Variants in HMGXB4 observed in about 807,000 individuals in gnomAD.
HMGXB4 encodes the protein HMG domain-containing protein 4.
In HMGXB4, 27 loss-of-function variants were observed where a neutral mutation model predicts 63.9. That is an observed-to-expected ratio of 0.42 (90% confidence interval 0.31 to 0.58). The LOEUF (loss-of-function observed/expected upper bound fraction) is 0.58, where lower values mean the gene tolerates loss of function less well. HMGXB4 is among the 20% of genes least tolerant of loss of function. HMGXB4 has a pLI of 0.13. For missense variants in HMGXB4, 624 were observed against 700.7 expected (o/e 0.89, Z 1.24); for synonymous variants, 264 against 265.3 (o/e 0.99, Z 0.05).
rs956962020 is a variant in HMGXB4, at chr22:35,262,334, T to C, written c.-57T>C. ...TCTTTGTTTCTCAGACCTGGTCCTG[T>C]AGACGGGAAGGAGCCTGGACACAGT... On this transcript the variant is annotated 5_prime_UTR_variant, in exon 2 of 11. Transcript: ENST00000216106. 4.1e-5 allele frequency: 64 copies of C among 1,569,328 alleles called. No homozygotes were observed. In the Admixed American group the frequency reaches 1.1e-3, roughly 26 times the overall value.
upstream of HMGXB4, among the ~76,000 whole-genome samples, chr22:35,256,585 C>T (rs1331077817): frequency 1.3e-5 from 2 of 152,242 alleles, no homozygotes; most frequent in Non-Finnish European, 2.9e-5. Context: ...CTGCAATCTC[C>T]GCCTCCCGGG....
chr22:35,248,686 C>T, the HMGXB4 span, among the ~76,000 whole-genome samples: 19 of 152,104 alleles, frequency 1.2e-4, no homozygotes, highest in African/African-American at 2.4e-4. Context: ...ATTACAGGCA[C>T]GGGCCACTAC....
At chr22:35,263,672 C>A in intron 3 of HMGXB4, 124 bp from the exon 4 acceptor site, 1 of 685,922 alleles carries the variant, frequency 1.5e-6, no homozygotes, top group Non-Finnish European at 2.6e-6. Flanking sequence ...AAACGTTATG[C>A]ACATCTATTT....
intron 5 of HMGXB4, among the ~76,000 whole-genome samples, chr22:35,282,207 C>T (rs772312730): frequency 2.6e-5 from 4 of 152,158 alleles, no homozygotes; most frequent in Non-Finnish European, 4.4e-5. Context: ...AACGGAGTCT[C>T]GCTCTGTCGC....
chr22:35,286,719 G>T (rs138210430), intron 7 of HMGXB4, among the ~76,000 whole-genome samples: 1 of 151,958 alleles, frequency 6.6e-6, no homozygotes, highest in Non-Finnish European at 1.5e-5. Context: ...GCATGGTGGC[G>T]CATGCCCGTA....
At position 35,287,314 on chromosome 22, in the gene HMGXB4, A is replaced by C. The variant is rs755088311; in HGVS notation, c.1363-33A>C. The C allele has an allele frequency of 2.8e-5, 42 of 1,492,578 alleles. No individual in the cohort carries two copies. In the Admixed American group the frequency reaches 7.2e-4, roughly 26 times the overall value. The allele number at this position is 1,492,578 out of a possible 1,614,324, so 92.5% of individuals were successfully genotyped here. A position where few individuals can be genotyped will look rare whatever the true frequency, so the allele number is the denominator to read the frequency against. ...TTTCCTTTTACATTTTGTCCTTCTTAATTTAATTTAATGTTCACTGATGTG... is the reference window on the plus strand; with the variant it reads ...TTTCCTTTTACATTTTGTCCTTCTTCATTTAATTTAATGTTCACTGATGTG... On this transcript the variant is annotated intron_variant, in intron 7 of 10. Transcript: ENST00000216106.
chr22:35,279,980 C>G (rs1924146872), intron 5 of HMGXB4, among the ~76,000 whole-genome samples: 1 of 152,116 alleles, frequency 6.6e-6, no homozygotes, highest in South Asian at 2.1e-4. Context: ...TCTGTGGCCT[C>G]TTCATAAAAA....
At chr22:35,241,581 T>C in the HMGXB4 span, among the ~76,000 whole-genome samples, 335 of 152,356 alleles carry the variant, frequency 2.2e-3, 3 homozygotes, top group African/African-American at 7.3e-3. Context: ...CGGGATCCAC[T>C]GAGCTCCCAG....
At chr22:35,270,286 C>G (rs1372528376) in intron 5 of HMGXB4, among the ~76,000 whole-genome samples, 1 of 152,176 alleles carries the variant, frequency 6.6e-6, no homozygotes. Flanking sequence ...CAAACCCCAG[C>G]AGGTTCCTTA....
Position 35,263,075 on chromosome 22 carries a change from C to G in HMGXB4, c.32-3C>G. 6.2e-7 allele frequency: 1 copy of G among 1,613,054 alleles called. No individual in the cohort carries two copies. Among genetic ancestry groups the G allele is most frequent in the Non-Finnish European group, 8.5e-7 (1 of 1,179,750 alleles). On this transcript the variant is annotated splice_region_variant and splice_polypyrimidine_tract_variant and intron_variant, in intron 2 of 10. Transcript: ENST00000216106. ...CTTTCCCAAATAAACCTGTGCTTCT[C>G]AGATTGTTTTGATGGTGATCATACC...
intron 4 of HMGXB4, chr22:35,264,121 T>A: frequency 7.2e-7 from 1 of 1,395,680 alleles, no homozygotes; most frequent in Non-Finnish European, 9.8e-7. Flanking sequence ...CTCCCCCCAA[T>A]CATCCACTTA....
chr22:35,286,053 G>C lies in HMGXB4; in HGVS notation c.1354G>C (p.Asp452His). 1 of 1,603,298 alleles carries C rather than the reference G, an allele frequency of 6.2e-7. No homozygotes were observed. The highest frequency in any genetic ancestry group is 8.5e-7 in the Non-Finnish European group (1 of 1,175,368). Reference sequence around the variant, plus strand: ...GGTGTGGAAGCAATTACCAGAAAAAGACAAACTGGTAAGTACATTTTCTTA... The same window carrying C: ...GGTGTGGAAGCAATTACCAGAAAAACACAAACTGGTAAGTACATTTTCTTA... ...AEVWKQLPEKDKLIWKQKAQY... is the reference protein window; with the variant it reads ...AEVWKQLPEKHKLIWKQKAQY... Residue 452 changes from aspartate (D) to histidine (H), a missense_variant, in exon 7 of 11, where the codon GAC becomes CAC. Asp to His is a moderately conservative substitution (Grantham distance 81). Coordinates refer to ENST00000216106, the MANE Select transcript of HMGXB4 (RefSeq NM_001003681.3).
chr22:35,264,636 G>C lies in HMGXB4; in HGVS notation c.260-12G>C. On this transcript the variant is annotated splice_polypyrimidine_tract_variant and intron_variant, in intron 4 of 10. Coordinates refer to ENST00000216106, the MANE Select transcript of HMGXB4 (RefSeq NM_001003681.3). ...CCATCATATTGACAGTACTTCTCTT[G>C]ATTATTTCTAGATATTTCGTCTTTG... The C allele has an allele frequency of 6.5e-7, 1 of 1,538,704 alleles. No individual in the cohort carries two copies. Among genetic ancestry groups the C allele is most frequent in the Non-Finnish European group, 8.7e-7 (1 of 1,144,182 alleles).
upstream of HMGXB4, among the ~76,000 whole-genome samples, chr22:35,253,144 A>AAAAAAAAAAAAAAAAAAAAAAAAAAAAAG (rs11282400): frequency 2.0e-4 from 25 of 125,336 alleles, no homozygotes; most frequent in Non-Finnish European, 2.5e-4. Flanking sequence ...AAAAAAAAAA[A>AAAAAAAAAAAAAAAAAAAAAAAAAAAAAG]AAAAAAGAAA....
Position 35,281,863 on chromosome 22 carries a change from G to T in HMGXB4, c.1216-2099G>T, listed in dbSNP as rs1359100095. On this transcript the variant is annotated intron_variant, in intron 5 of 10. Coordinates refer to ENST00000216106, the MANE Select transcript of HMGXB4 (RefSeq NM_001003681.3). ...AATCTCATTCAAAGCAGTTACCTTG[G>T]AAGGTGTTCTAGGAATGTTTCTATT... 3.3e-5 allele frequency among the ~76,000 whole-genome samples: 5 copies of T among 152,160 alleles called. No homozygotes were observed. In the East Asian group the frequency reaches 9.6e-4, roughly 29 times the overall value.
At chr22:35,247,457 C>T in the HMGXB4 span, among the ~76,000 whole-genome samples, 1 of 152,192 alleles carries the variant, frequency 6.6e-6, no homozygotes, top group Non-Finnish European at 1.5e-5. Flanking sequence ...GCTGAAGATG[C>T]AAGAGGGACT....
At chr22:35,253,330 A>T (rs1435560799), upstream of HMGXB4, among the ~76,000 whole-genome samples, 1 of 152,090 alleles carries the variant, frequency 6.6e-6, no homozygotes, top group Admixed American at 6.6e-5. Flanking sequence ...TTACATTTGT[A>T]CCATAGTAAT....
chr22:35,258,297 C>G (rs1922591279), intron 1 of HMGXB4: 2 of 152,188 alleles, frequency 1.3e-5, no homozygotes, highest in Non-Finnish European at 2.9e-5. Context: ...CTTGTAGATT[C>G]ACTTTATAGC....
At chr22:35,267,174 T>TTATA (rs1486329603) in intron 5 of HMGXB4, among the ~76,000 whole-genome samples, 2 of 146,732 alleles carry the variant, frequency 1.4e-5, no homozygotes, top group African/African-American at 2.5e-5. Flanking sequence ...AAATAATATA[T>TTATA]TATATATATA....
Sources: gnomAD v4.1 joint callset for allele counts (sites outside exome capture counted in the v4.1 genomes callset) on GRCh38, gnomAD v4.1.1 for gene constraint, MANE v1.5 for transcripts, NCBI Gene and HGNC (gene_info 2026-07-23, HGNC 2026-07-21) for gene names.